Variants in TANC1 observed in about 807,000 individuals in gnomAD.
The protein encoded by TANC1 is protein TANC1.
Under a neutral mutation model 149.7 loss-of-function variants are expected in TANC1, and 77 were observed. The ratio of observed to expected loss-of-function variants is 0.51; its 90% CI spans 0.43 to 0.62. The LOEUF (loss-of-function observed/expected upper bound fraction) is 0.62, where lower values mean the gene tolerates loss of function less well. Ranked by LOEUF, TANC1 falls within the 20% of genes least tolerant of loss-of-function variation. The pLI, the probability that TANC1 is intolerant of heterozygous loss-of-function variation, is 0.00. For synonymous variants in TANC1, 854 were observed against 925.0 expected (o/e 0.92, Z 1.39); for missense variants, 1,985 against 2,321.8 (o/e 0.85, Z 2.98).
At chr2:158,987,964 C>T (rs1227983042) in intron 1 of TANC1, among the ~76,000 whole-genome samples, 1 of 152,124 alleles carries the variant, frequency 6.6e-6, no homozygotes, top group African/African-American at 2.4e-5. Context: ...CTTTACATTA[C>T]CTACCTTACT....
At chr2:159,213,781 T>C (rs1399057678) in intron 19 of TANC1, among the ~76,000 whole-genome samples, 3 of 152,076 alleles carry the variant, frequency 2.0e-5, no homozygotes, top group Non-Finnish European at 4.4e-5. Flanking sequence ...TGCCCAGTGA[T>C]AAGTTATTCT....
intron 7 of TANC1, among the ~76,000 whole-genome samples, chr2:159,159,707 TGTGTGTGTGTGAGAGAGAGAGAGAGAGA>T (rs1331707635): frequency 1.6e-5 from 1 of 63,688 alleles, no homozygotes; most frequent in African/African-American, 6.0e-5. Flanking sequence ...TGTGTGTGTG[TGTGTGTGTGTGAGAGAGAGAGAGAGAGA>T]GAGAGAGAGA....
rs575625785 is a variant in TANC1 at position 159,136,058 on chromosome 2, G to A, written c.260-136G>A. Reference sequence around the variant, plus strand: ...TGTGTGTGTGTGTGTGTGCGCGCGCGCGCGTTTAAGGGAGGGGAAGGCACT... The same window carrying A: ...TGTGTGTGTGTGTGTGTGCGCGCGCACGCGTTTAAGGGAGGGGAAGGCACT... On this transcript the variant is annotated intron_variant, in intron 4 of 26. Transcript: ENST00000263635. 70 of 590,866 alleles carry A rather than the reference G, an allele frequency of 1.2e-4. 5 individuals are homozygous for A. Among genetic ancestry groups the A allele is most frequent in the South Asian group, 1.1e-3 (60 of 52,740 alleles). The allele number at this position is 590,866 out of a possible 1,614,324, so 36.6% of individuals were successfully genotyped here.
chr2:159,100,848 A>G (rs573999329), intron 4 of TANC1, among the ~76,000 whole-genome samples: 3 of 152,074 alleles, frequency 2.0e-5, no homozygotes, highest in Admixed American at 1.3e-4. Flanking sequence ...CCAGAGCTCT[A>G]ATGTTCTACC....
chr2:159,110,944 G>A (rs768339911), intron 4 of TANC1, among the ~76,000 whole-genome samples: 2 of 152,232 alleles, frequency 1.3e-5, no homozygotes, highest in Non-Finnish European at 2.9e-5. Flanking sequence ...ACATGAAAGT[G>A]GAACACAGTG....
intron 16 of TANC1, among the ~76,000 whole-genome samples, chr2:159,187,754 C>A (rs552014517): frequency 6.6e-6 from 1 of 152,334 alleles, no homozygotes; most frequent in East Asian, 1.9e-4. Context: ...GAATCACTCA[C>A]ATTGTTTCAT....
intron 8 of TANC1, among the ~76,000 whole-genome samples, chr2:159,164,485 G>T (rs2054373660): frequency 6.6e-6 from 1 of 152,290 alleles, no homozygotes; most frequent in Admixed American, 6.5e-5. Context: ...AGTGAAGGAT[G>T]ACTATAGCTC....
intron 5 of TANC1, 84 bp from the exon 6 acceptor site, chr2:159,149,058 A>G (rs1291020574): frequency 1.4e-6 from 2 of 1,440,482 alleles, no homozygotes; most frequent in Non-Finnish European, 1.9e-6. Context: ...TCACCAGACA[A>G]AGCAGCTGTA....
chr2:159,176,633 T>C (rs1430377227), intron 13 of TANC1, 115 bp downstream of exon 13: 12 of 863,336 alleles, frequency 1.4e-5, no homozygotes, highest in Non-Finnish European at 2.1e-5. Context: ...GAAACTATGT[T>C]AAGAATTTGA....
At chr2:159,065,558 CTG>C (rs1410458609) in intron 2 of TANC1, among the ~76,000 whole-genome samples, 2 of 151,578 alleles carry the variant, frequency 1.3e-5, no homozygotes, top group African/African-American at 2.4e-5. Context: ...GATTGGGAAA[CTG>C]TGCCAAATAT....
intron 5 of TANC1, among the ~76,000 whole-genome samples, chr2:159,144,662 G>A (rs1483834447): frequency 6.6e-6 from 1 of 152,222 alleles, no homozygotes; most frequent in East Asian, 1.9e-4. Flanking sequence ...CTCCGAAAGT[G>A]CTGGGATTAC....
chr2:159,136,075 G>T, intron 4 of TANC1, 119 bp from the exon 5 acceptor site: 1 of 592,760 alleles, frequency 1.7e-6, no homozygotes. Context: ...TAAGGGAGGG[G>T]AAGGCACTGG....
chr2:159,036,953 T>C (rs1574264132), intron 2 of TANC1, among the ~76,000 whole-genome samples: 3 of 152,234 alleles, frequency 2.0e-5, no homozygotes, highest in South Asian at 2.1e-4. Flanking sequence ...CCACAATGGT[T>C]GAACTAGTTT....
chr2:159,230,998 G>C lies in TANC1; in HGVS notation c.5572G>C (p.Glu1858Gln). The C allele has an allele frequency of 6.2e-7, 1 of 1,609,858 alleles. No individual in the cohort carries two copies. Among genetic ancestry groups the C allele is most frequent in the Non-Finnish European group, 8.5e-7 (1 of 1,177,806 alleles). Residue 1858 changes from glutamate (E) to glutamine (Q), a missense_variant, in exon 27 of 27, where the codon GAG becomes CAG. Around this residue, in one of 3 missense-constraint regions of TANC1, gnomAD observed 920 missense variants for 994.7 expected, o/e 0.92. Coordinates refer to ENST00000263635, the MANE Select transcript of TANC1 (RefSeq NM_033394.3). The surrounding 1 kb of genome is among the most constrained non-coding windows in gnomAD (Gnocchi z 4.4). ...TAAKPKRSFI[E>Q]SNV ...AGCCAAACCAAAGCGATCATTTATAGAGTCAAATGTGTGAACCTTAAGAAA... is the reference window on the plus strand; with the variant it reads ...AGCCAAACCAAAGCGATCATTTATACAGTCAAATGTGTGAACCTTAAGAAA...
At position 159,217,642 on chromosome 2, in the gene TANC1, G is replaced by T; in HGVS notation, c.3378+12G>T. The stretch of plus-strand genomic sequence containing the variant: ...AGGGGCATTGGCAGGTACCCAGGGG[G>T]CCCCTGAATGCTTCAGAAGCAATGA... On this transcript the variant is annotated intron_variant, in intron 20 of 26. Transcript: ENST00000263635. The T allele has an allele frequency of 1.2e-6, 2 of 1,613,560 alleles. No individual in the cohort carries two copies. Among genetic ancestry groups the T allele is most frequent in the Non-Finnish European group, 1.7e-6 (2 of 1,179,876 alleles).
At chr2:159,018,078 G>A (rs990356789) in intron 2 of TANC1, among the ~76,000 whole-genome samples, 1 of 152,142 alleles carries the variant, frequency 6.6e-6, no homozygotes, top group African/African-American at 2.4e-5. Context: ...TTCAAAGGCA[G>A]CCAGTTACAT....
chr2:159,150,411 A>T lies in TANC1; in HGVS notation c.537A>T (p.Leu179=). The part of the protein sequence containing the change: ...LSQGISPCST[L]TSSTASPSTD... ...AAGGCATCAGTCCTTGCTCCACACT[A>T]ACAAGCAGCACCGCATCTCCTAGCA... The change falls in exon 7 of 27, where the codon CTA becomes CTT. Residue 179 remains leucine (L), a synonymous_variant. Transcript: ENST00000263635. The T allele has an allele frequency of 6.2e-7, 1 of 1,614,158 alleles. No homozygotes were observed. Among genetic ancestry groups the T allele is most frequent in the Non-Finnish European group, 8.5e-7 (1 of 1,180,024 alleles).
At chr2:159,034,270 C>T (rs530165106) in intron 2 of TANC1, among the ~76,000 whole-genome samples, 53 of 152,272 alleles carry the variant, frequency 3.5e-4, no homozygotes, top group Admixed American at 5.9e-4. Context: ...ACCTACAAAT[C>T]GTTATTCACT....
chr2:159,184,740 A>C (rs2150590579), intron 14 of TANC1, among the ~76,000 whole-genome samples: 1 of 152,250 alleles, frequency 6.6e-6, no homozygotes, highest in East Asian at 1.9e-4. Context: ...GGGACATGGA[A>C]GGTGTTCAGG....
Sources: gnomAD v4.1 joint callset for allele counts (sites outside exome capture counted in the v4.1 genomes callset) on GRCh38, gnomAD v4.1.1 for gene constraint, gnomAD v4.1.1 regional missense constraint, Gnocchi (gnomAD v3.1) non-coding constraint, MANE v1.5 for transcripts, NCBI Gene and HGNC (gene_info 2026-07-23, HGNC 2026-07-21) for gene names.